Variants in SMG6 observed in about 807,000 individuals in gnomAD.
SMG6 encodes the protein telomerase-binding protein EST1A.
SMG6 carries 66 observed loss-of-function variants against 142.2 expected under a neutral mutation model. The observed-to-expected ratio is 0.46, with a 90% CI of 0.38 to 0.57. The LOEUF is 0.57. SMG6 is among the 20% of genes least tolerant of loss of function. SMG6 has a pLI of 0.00. For missense variants in SMG6, 1,793 were observed against 1,832.0 expected (o/e 0.98, Z 0.39); for synonymous variants, 779 against 702.4 (o/e 1.11, Z -1.72).
chr17:2,208,880 C>T (rs760437826), intron 10 of SMG6, among the ~76,000 whole-genome samples: 2 of 152,126 alleles, frequency 1.3e-5, no homozygotes, highest in Non-Finnish European at 2.9e-5. Flanking sequence ...GATAGATAGC[C>T]GTTAAAAAGC....
In SMG6 at chr17:2,299,922, T is replaced by C. The variant is rs762196667; in HGVS notation, c.831A>G (p.Gly277=). ...TCCTATCCTGTCGGCGGCGGCGACATCCATTATCCGTCAGGCCAGCTCCCT... is the reference window on the plus strand; with the variant it reads ...TCCTATCCTGTCGGCGGCGGCGACACCCATTATCCGTCAGGCCAGCTCCCT... ...SAEGAGLTDN[G]CRRRRQDRTK... Residue 277 remains glycine (G), a synonymous_variant, in exon 2 of 19, where the codon GGA becomes GGG. Transcript: ENST00000263073. This position sits in a 1 kb window ranked among gnomAD's most constrained non-coding sequence, Gnocchi z 4.3. 6.2e-7 allele frequency: 1 copy of C among 1,614,126 alleles called. No homozygotes were observed. The highest frequency in any genetic ancestry group is 1.1e-5 in the South Asian group (1 of 91,086).
chr17:2,218,477 C>T (rs2073081822), intron 10 of SMG6, among the ~76,000 whole-genome samples: 1 of 152,080 alleles, frequency 6.6e-6, no homozygotes, highest in Admixed American at 6.5e-5. Flanking sequence ...GACCCAGGGG[C>T]AGAGCTTGCA....
intron 10 of SMG6, among the ~76,000 whole-genome samples, chr17:2,189,010 C>T (rs570641611): frequency 6.6e-6 from 1 of 152,204 alleles, no homozygotes; most frequent in Non-Finnish European, 1.5e-5. Context: ...GAATCACCAA[C>T]CTTTAGTCCC....
chr17:2,265,113 C>G (rs1341793692), intron 8 of SMG6, among the ~76,000 whole-genome samples: 1 of 152,082 alleles, frequency 6.6e-6, no homozygotes, highest in South Asian at 2.1e-4. Context: ...GGTTCTCAAC[C>G]AGAATATGAC....
chr17:2,133,096 T>C (rs755577136), intron 13 of SMG6, among the ~76,000 whole-genome samples: 2 of 152,064 alleles, frequency 1.3e-5, no homozygotes, highest in Non-Finnish European at 2.9e-5. Context: ...AATACAAAAA[T>C]TAGCTGGACG....
rs749240 is a variant in SMG6 at position 2,282,806 on chromosome 17, C to T, written c.2502G>A (p.Gln834=). 585,098 of 1,613,764 alleles carry T rather than the reference C, an allele frequency of 0.36. 110,466 individuals carry two copies. Among genetic ancestry groups the T allele is most frequent in the African/African-American group, 0.63 (47,527 of 74,928 alleles). Residue 834 remains glutamine, a synonymous_variant, in exon 8 of 19, where the codon CAG becomes CAA. Coordinates refer to ENST00000263073, the MANE Select transcript of SMG6 (RefSeq NM_017575.5). ...QHEEFDLSPD[Q]WRKGKKSTFR... ...AAGTAGACTTCTTTCCTTTCCGCCA[C>T]TGGTCAGGGCTCAGGTCAAATTCCT...
chr17:2,063,804 G>A (rs996931042), intron 18 of SMG6, among the ~76,000 whole-genome samples: 1 of 152,180 alleles, frequency 6.6e-6, no homozygotes, highest in Non-Finnish European at 1.5e-5. Flanking sequence ...GTGAAGGGAG[G>A]CAAGGGGCTG....
chr17:2,168,139 A>G (rs1382869268), intron 13 of SMG6, among the ~76,000 whole-genome samples: 1 of 152,036 alleles, frequency 6.6e-6, no homozygotes, highest in Admixed American at 6.6e-5. Flanking sequence ...GAATATTGGG[A>G]TTACTGGTGT....
chr17:2,292,003 A>G (rs1451480417), intron 6 of SMG6, among the ~76,000 whole-genome samples: 8 of 152,144 alleles, frequency 5.3e-5, no homozygotes, highest in Admixed American at 3.9e-4. Context: ...TCAGCTCCCA[A>G]GGCCCGCTTC....
At chr17:2,277,687 AAAT>A (rs1304303082) in intron 8 of SMG6, among the ~76,000 whole-genome samples, 8 of 152,214 alleles carry the variant, frequency 5.3e-5, no homozygotes, top group African/African-American at 1.9e-4. Context: ...ATTTATGTTC[AAAT>A]AATAATTTTA....
At chr17:2,276,743 C>T (rs1352897866) in intron 8 of SMG6, among the ~76,000 whole-genome samples, 1 of 152,000 alleles carries the variant, frequency 6.6e-6, no homozygotes, top group Non-Finnish European at 1.5e-5. Context: ...ACTCACAAGC[C>T]GTAACCCTTC....
chr17:2,150,524 C>A (rs2070793803), intron 13 of SMG6, among the ~76,000 whole-genome samples: 1 of 150,734 alleles, frequency 6.6e-6, no homozygotes, highest in Non-Finnish European at 1.5e-5. Flanking sequence ...GCCCTCGATG[C>A]TATGGAAGTG....
intron 10 of SMG6, among the ~76,000 whole-genome samples, chr17:2,234,101 T>C (rs1429059243): frequency 6.6e-6 from 1 of 152,144 alleles, no homozygotes; most frequent in Non-Finnish European, 1.5e-5. Context: ...TATTTTTCCA[T>C]GTCTCTCCTG....
At chr17:2,138,710 A>T (rs1567628894) in intron 13 of SMG6, among the ~76,000 whole-genome samples, 1 of 151,800 alleles carries the variant, frequency 6.6e-6, no homozygotes. Context: ...GGTTTCCCCC[A>T]CCTCTCTCCC....
In SMG6 at chr17:2,298,928, G is replaced by A; in HGVS notation, c.1825C>T (p.Leu609=). ...LSRDRISPEG[L]EKMAQLRAEL... ...TACCTGAGTTGCGCCATCTTCTCCA[G>A]GCCCTCCGGACTGATGCGGTCCCTG... The change falls in exon 2 of 19, where the codon CTG becomes TTG. Residue 609 remains leucine, a synonymous_variant. Transcript: ENST00000263073. The A allele has an allele frequency of 1.9e-6, 3 of 1,613,754 alleles. No individual in the cohort carries two copies. Among genetic ancestry groups the A allele is most frequent in the South Asian group, 2.2e-5 (2 of 91,058 alleles).
intron 13 of SMG6, chr17:2,087,348 G>A (rs1005003723): frequency 3.3e-6 from 4 of 1,207,392 alleles, no homozygotes; most frequent in Admixed American, 3.2e-5. Context: ...GGCTGCCCAG[G>A]AAAGTGCGGC....
chr17:2,087,503 C>CT (rs2068597005), intron 13 of SMG6: 20 of 1,043,418 alleles, frequency 1.9e-5, no homozygotes, highest in Non-Finnish European at 2.3e-5. Context: ...GAATCTCAAG[C>CT]TAAGTACTTT....
At position 2,085,171 on chromosome 17, in the gene SMG6, C is replaced by G. The variant is rs2068524026; in HGVS notation, c.3534+554G>C. ...GCGCACACACACACACAGACACACA[C>G]ACACGAGTCTGGAGTGAAGCAAGGG... On this transcript the variant is annotated intron_variant, in intron 14 of 18. Coordinates refer to ENST00000263073, the MANE Select transcript of SMG6 (RefSeq NM_017575.5). The surrounding 1 kb of genome is among the most constrained non-coding windows in gnomAD (Gnocchi z 4.1). Among the ~76,000 whole-genome samples, 1 of 152,066 alleles carries G rather than the reference C, an allele frequency of 6.6e-6. No individual in the cohort carries two copies. Among genetic ancestry groups the G allele is most frequent in the East Asian group, 1.9e-4 (1 of 5,194 alleles).
chr17:2,183,083 C>G (rs1476800057), intron 12 of SMG6, among the ~76,000 whole-genome samples: 1 of 151,910 alleles, frequency 6.6e-6, no homozygotes, highest in Non-Finnish European at 1.5e-5. Context: ...AAAAGTTAGC[C>G]GGGTTGGTGG....
Sources: allele counts gnomAD v4.1 joint callset (sites outside exome capture counted in the v4.1 genomes callset), GRCh38; gene constraint gnomAD v4.1.1; non-coding constraint Gnocchi (gnomAD v3.1); transcripts MANE v1.5; gene names NCBI Gene and HGNC (gene_info 2026-07-23, HGNC 2026-07-21).